Variants in ROBO1 observed in about 807,000 individuals in gnomAD.
The protein encoded by ROBO1 is roundabout homolog 1.
ROBO1 carries 149 observed loss-of-function variants against 195.9 expected under a neutral mutation model. The ratio of observed to expected loss-of-function variants is 0.76; its 90% CI spans 0.67 to 0.87. The LOEUF (loss-of-function observed/expected upper bound fraction) is 0.87, where lower values mean the gene tolerates loss of function less well. Ranked by LOEUF, ROBO1 falls within the 40% of genes least tolerant of loss-of-function variation. The pLI is 0.00. For missense variants in ROBO1, 1,933 were observed against 2,068.3 expected (o/e 0.93, Z 1.27); for synonymous variants, 816 against 733.2 (o/e 1.11, Z -1.82).
chr3:78,950,867 T>C (rs2040739552), intron 3 of ROBO1, among the ~76,000 whole-genome samples: 1 of 151,904 alleles, frequency 6.6e-6, no homozygotes, highest in African/African-American at 2.4e-5. Context: ...TCTCCAAATA[T>C]GAGCTTACAT....
At chr3:79,284,092 GT>G (rs2031727926) in intron 2 of ROBO1, among the ~76,000 whole-genome samples, 1 of 151,848 alleles carries the variant, frequency 6.6e-6, no homozygotes, top group Admixed American at 6.6e-5. Context: ...ATATATGCAT[GT>G]ATATATACAT....
At chr3:78,671,190 G>A (rs967196363) in intron 10 of ROBO1, among the ~76,000 whole-genome samples, 3 of 151,948 alleles carry the variant, frequency 2.0e-5, no homozygotes, top group African/African-American at 4.8e-5. Flanking sequence ...CTGACATGAA[G>A]TCTTTTTTAG....
chr3:79,569,029 AT>A, intron 2 of ROBO1, among the ~76,000 whole-genome samples: 1 of 152,196 alleles, frequency 6.6e-6, no homozygotes, highest in Non-Finnish European at 1.5e-5. Context: ...TAGAAAAAAA[AT>A]GTAGTACTGA....
intron 4 of ROBO1, among the ~76,000 whole-genome samples, chr3:78,770,343 A>G (rs1433129329): frequency 6.6e-6 from 1 of 152,046 alleles, no homozygotes; most frequent in South Asian, 2.1e-4. Context: ...ATGGTATCTC[A>G]TTGTGGTTTT....
intron 2 of ROBO1, among the ~76,000 whole-genome samples, chr3:79,391,598 G>T (rs2036952824): frequency 6.6e-6 from 1 of 151,994 alleles, no homozygotes; most frequent in Non-Finnish European, 1.5e-5. Context: ...GAAAAGCAAA[G>T]ATGTGAAATT....
Position 78,783,304 on chromosome 3 carries a change from T to A in ROBO1, c.500-36404A>T, listed in dbSNP as rs1267499572. ...TACACATTGGAACAATATATTTTTT[T>A]AAAAAGTCAATCAGTGTTGCTTGTT... On this transcript the variant is annotated intron_variant, in intron 4 of 30. Coordinates refer to ENST00000464233, the MANE Select transcript of ROBO1 (RefSeq NM_002941.4). 2.6e-5 allele frequency among the ~76,000 whole-genome samples: 4 copies of A among 152,110 alleles called. 1 individual carries two copies. Among genetic ancestry groups the A allele is most frequent in the Admixed American group, 6.6e-5 (1 of 15,258 alleles).
At chr3:79,068,170 T>C (rs2079033085) in intron 3 of ROBO1, among the ~76,000 whole-genome samples, 1 of 151,906 alleles carries the variant, frequency 6.6e-6, no homozygotes. Context: ...ATCGCCACCA[T>C]ATGGGGATCT....
intron 5 of ROBO1, among the ~76,000 whole-genome samples, chr3:78,727,626 G>A (rs9843545): frequency 0.066 from 10,093 of 152,118 alleles, 723 homozygotes; most frequent in African/African-American, 0.18. Flanking sequence ...CTCCGTCTCA[G>A]AAAAAAACTA....
At chr3:78,671,627 G>C (rs1456686503) in intron 10 of ROBO1, among the ~76,000 whole-genome samples, 1 of 151,674 alleles carries the variant, frequency 6.6e-6, no homozygotes, top group African/African-American at 2.4e-5. Context: ...AAACAGGAAA[G>C]CAATGGAGTG....
At chr3:78,986,849 G>A (rs1258109019) in intron 3 of ROBO1, among the ~76,000 whole-genome samples, 1 of 152,162 alleles carries the variant, frequency 6.6e-6, no homozygotes, top group East Asian at 1.9e-4. Context: ...CGCTAATTAT[G>A]CCAGGCAGGC....
intron 3 of ROBO1, among the ~76,000 whole-genome samples, chr3:79,090,254 T>A (rs1040573951): frequency 3.9e-5 from 6 of 152,276 alleles, no homozygotes; most frequent in South Asian, 2.1e-4. Flanking sequence ...TTCATTTTTT[T>A]AAAACAGGTT....
At chr3:79,470,421 G>C (rs926418019) in intron 2 of ROBO1, among the ~76,000 whole-genome samples, 1 of 152,150 alleles carries the variant, frequency 6.6e-6, no homozygotes, top group African/African-American at 2.4e-5. Context: ...GGGGCATGGG[G>C]AGGGAGGAGG....
At chr3:78,976,639 T>C (rs564088134) in intron 3 of ROBO1, among the ~76,000 whole-genome samples, 1 of 152,328 alleles carries the variant, frequency 6.6e-6, no homozygotes, top group Non-Finnish European at 1.5e-5. Context: ...CCAATTTTAG[T>C]TCTATCTCAA....
chr3:79,521,850 A>G (rs1941223096), intron 2 of ROBO1, among the ~76,000 whole-genome samples: 1 of 152,084 alleles, frequency 6.6e-6, no homozygotes. Context: ...TGGTTCCAGG[A>G]TGCTACCTTG....
At chr3:78,987,372 G>A (rs1458771954) in intron 3 of ROBO1, among the ~76,000 whole-genome samples, 1 of 152,034 alleles carries the variant, frequency 6.6e-6, no homozygotes, top group Non-Finnish European at 1.5e-5. Flanking sequence ...GATGGGGTTT[G>A]GGGCAGGGAG....
At chr3:79,383,447 C>T (rs968408747) in intron 2 of ROBO1, among the ~76,000 whole-genome samples, 3 of 151,856 alleles carry the variant, frequency 2.0e-5, no homozygotes, top group African/African-American at 7.3e-5. Context: ...TTGGAAGAGT[C>T]AAAAGCAAAG....
intron 2 of ROBO1, among the ~76,000 whole-genome samples, chr3:79,208,440 T>C (rs1444497217): frequency 6.6e-6 from 1 of 152,148 alleles, no homozygotes; most frequent in Non-Finnish European, 1.5e-5. Flanking sequence ...AAATAGGTAT[T>C]TAAAATGGTT....
chr3:78,782,912 G>A (rs971261427), intron 4 of ROBO1, among the ~76,000 whole-genome samples: 3 of 152,130 alleles, frequency 2.0e-5, no homozygotes, highest in Admixed American at 6.5e-5. Flanking sequence ...GTGGTTTAAC[G>A]TATGCCTGTT....
intron 2 of ROBO1, among the ~76,000 whole-genome samples, chr3:79,261,534 G>A (rs2082938219): frequency 1.3e-5 from 2 of 151,930 alleles, no homozygotes; most frequent in Non-Finnish European, 2.9e-5. Flanking sequence ...ATTAAATTGT[G>A]AGTATAGAAA....
Sources: allele counts gnomAD v4.1 joint callset (sites outside exome capture counted in the v4.1 genomes callset), GRCh38; gene constraint gnomAD v4.1.1; transcripts MANE v1.5; gene names NCBI Gene and HGNC (gene_info 2026-07-23, HGNC 2026-07-21).